Variants in FGF12 observed in about 807,000 individuals in gnomAD.
FGF12 encodes the protein fibroblast growth factor 12, also known as fibroblast growth factor 12B.
FGF12 carries 14 observed loss-of-function variants against 23.6 expected under a neutral mutation model. The observed-to-expected ratio is 0.59, with a 90% CI of 0.39 to 0.93. The LOEUF (loss-of-function observed/expected upper bound fraction) is 0.93. Ranked by LOEUF, FGF12 falls within the 40% of genes least tolerant of loss-of-function variation. The pLI is 0.00. For synonymous variants in FGF12, 62 were observed against 77.3 expected, an observed-to-expected ratio of 0.80 and a Z score of 1.04; for missense variants, 175 against 217.8, an observed-to-expected ratio of 0.80 and a Z score of 1.24.
chr3:192,158,245 C>T (rs532105666), intron 5 of FGF12, among the ~76,000 whole-genome samples: 25 of 152,266 alleles, frequency 1.6e-4, no homozygotes, highest in Admixed American at 1.3e-3. Context: ...CCCCTTGTAC[C>T]TCAAGCTTCC....
chr3:192,636,853 A>C (rs1023278768), intron 2 of FGF12, among the ~76,000 whole-genome samples: 3 of 152,194 alleles, frequency 2.0e-5, no homozygotes, highest in African/African-American at 7.2e-5. Context: ...AAACAAGGAT[A>C]CAGTCAGTGT....
At chr3:192,424,758 A>G (rs1257301930) in intron 2 of FGF12, among the ~76,000 whole-genome samples, 1 of 152,174 alleles carries the variant, frequency 6.6e-6, no homozygotes, top group African/African-American at 2.4e-5. Flanking sequence ...CCGTACACAC[A>G]GAGAGACACA....
chr3:192,398,360 A>G (rs530653672), intron 2 of FGF12, among the ~76,000 whole-genome samples: 1 of 150,694 alleles, frequency 6.6e-6, no homozygotes, highest in African/African-American at 2.4e-5. Flanking sequence ...TTTTCAGGCT[A>G]AAGAGGCCCT....
chr3:192,450,862 C>G (rs1300130546), intron 2 of FGF12, among the ~76,000 whole-genome samples: 2 of 152,122 alleles, frequency 1.3e-5, no homozygotes, highest in East Asian at 3.9e-4. Context: ...TTGCCAGAAC[C>G]CTTTTCCAAA....
intron 2 of FGF12, among the ~76,000 whole-genome samples, chr3:192,454,033 C>T (rs572440087): frequency 1.3e-5 from 2 of 151,870 alleles, no homozygotes; most frequent in South Asian, 4.2e-4. Context: ...ACATTTCTCT[C>T]CTTTTTTTTT....
intron 2 of FGF12, among the ~76,000 whole-genome samples, chr3:192,710,349 T>C (rs754818671): frequency 6.6e-6 from 1 of 152,248 alleles, no homozygotes; most frequent in Non-Finnish European, 1.5e-5. Flanking sequence ...CTTTCATTCC[T>C]ACTTGAAACA....
intron 2 of FGF12, among the ~76,000 whole-genome samples, chr3:192,498,915 AAC>A (rs1271817242): frequency 6.6e-6 from 1 of 152,244 alleles, no homozygotes; most frequent in African/African-American, 2.4e-5. Context: ...ACAGCATCAT[AAC>A]AGAATAGGTC....
rs376074653 is a variant in FGF12, at chr3:192,145,191, G to T, written c.428-1064C>A. The stretch of plus-strand genomic sequence containing the variant: ...GACACATTTTCATAAATGAAAAATT[G>T]CATATTTATGAAGATTAAATGCCTT... On this transcript the variant is annotated intron_variant, in intron 5 of 5. Transcript: ENST00000445105. Among the ~76,000 whole-genome samples, 179 of 152,316 alleles carry T rather than the reference G, an allele frequency of 1.2e-3. 1 individual carries two copies. Among genetic ancestry groups the T allele is most frequent in the African/African-American group, 4.2e-3 (176 of 41,556 alleles).
chr3:192,405,460 G>A (rs1350912997), intron 2 of FGF12, among the ~76,000 whole-genome samples: 1 of 151,056 alleles, frequency 6.6e-6, no homozygotes, highest in East Asian at 1.9e-4. Flanking sequence ...TAGAAAGTCT[G>A]GTCAATGGAA....
At chr3:192,577,732 G>C (rs1414353335) in intron 2 of FGF12, among the ~76,000 whole-genome samples, 11 of 152,166 alleles carry the variant, frequency 7.2e-5, no homozygotes, top group Non-Finnish European at 4.4e-5. Flanking sequence ...TTACTCTCCT[G>C]AATAATAACT....
chr3:192,204,283 G>A (rs956455775), intron 4 of FGF12, among the ~76,000 whole-genome samples: 1 of 152,162 alleles, frequency 6.6e-6, no homozygotes, highest in African/African-American at 2.4e-5. Context: ...AAGCTGTACA[G>A]CAGAACTTTC....
At chr3:192,673,904 C>A (rs2108698151) in intron 2 of FGF12, among the ~76,000 whole-genome samples, 2 of 151,052 alleles carry the variant, frequency 1.3e-5, no homozygotes, top group East Asian at 3.9e-4. Flanking sequence ...GGGTATATAC[C>A]CAGTAATGGG....
intron 4 of FGF12, among the ~76,000 whole-genome samples, chr3:192,175,346 C>G (rs1715800995): frequency 6.6e-6 from 1 of 152,026 alleles, no homozygotes; most frequent in African/African-American, 2.4e-5. Flanking sequence ...TTTCTTTTTC[C>G]TATAGTCTTG....
intron 2 of FGF12, among the ~76,000 whole-genome samples, chr3:192,541,460 A>G (rs1384204548): frequency 1.3e-5 from 2 of 152,130 alleles, no homozygotes; most frequent in Non-Finnish European, 2.9e-5. Flanking sequence ...TGCTATTTCT[A>G]TTTATATCTT....
At chr3:192,160,909 C>T (rs1001421292) in intron 5 of FGF12, among the ~76,000 whole-genome samples, 1 of 152,040 alleles carries the variant, frequency 6.6e-6, no homozygotes, top group African/African-American at 2.4e-5. Context: ...AAATAGATGA[C>T]TTTGACACAA....
chr3:192,545,573 C>G (rs766121575), intron 2 of FGF12, among the ~76,000 whole-genome samples: 1 of 152,140 alleles, frequency 6.6e-6, no homozygotes, highest in Non-Finnish European at 1.5e-5. Context: ...GCCCCTATCC[C>G]GAGGCGAGTG....
rs9873510 is a variant in FGF12 at position 192,561,578 on chromosome 3, A to C, written c.13+165603T>G. ...GGGGTTTCACCGTGTTAGCCAGGAT[A>C]GTCTCGATCTCCTGACCTTGTGATC... On this transcript the variant is annotated intron_variant, in intron 2 of 5. Transcript: ENST00000445105. Among the ~76,000 whole-genome samples the C allele has an allele frequency of 4.3e-4, 65 of 152,086 alleles. No individual in the cohort carries two copies. In the South Asian group the frequency reaches 0.012, roughly 29 times the overall value.
At chr3:192,557,275 G>A (rs1189209375) in intron 2 of FGF12, among the ~76,000 whole-genome samples, 1 of 139,944 alleles carries the variant, frequency 7.1e-6, no homozygotes, top group South Asian at 2.3e-4. Context: ...ATTTTTTTTT[G>A]AAAAGATAAT....
At chr3:192,473,391 T>C (rs1365840861) in intron 2 of FGF12, among the ~76,000 whole-genome samples, 1 of 152,200 alleles carries the variant, frequency 6.6e-6, no homozygotes, top group Non-Finnish European at 1.5e-5. Flanking sequence ...ATGGTTATTA[T>C]GGGGTAACTA....
Sources: gnomAD v4.1 joint callset for allele counts (sites outside exome capture counted in the v4.1 genomes callset) on GRCh38, gnomAD v4.1.1 for gene constraint, MANE v1.5 for transcripts, NCBI Gene and HGNC (gene_info 2026-07-23, HGNC 2026-07-21) for gene names.